The following USP7 variants were observed in gnomAD, a reference collection of about 807,000 sequenced individuals.
USP7 encodes ubiquitin C-terminal hydrolase 7.
USP7 carries 9 observed loss-of-function variants against 162.9 expected under a neutral mutation model. That is an observed-to-expected ratio of 0.06 (90% CI 0.03 to 0.10). The LOEUF is 0.10. USP7 is among the 10% of genes least tolerant of loss of function. USP7 has a pLI of 1.00. For missense variants in USP7, 715 were observed against 1,373.7 expected, an observed-to-expected ratio of 0.52 and a Z score of 7.58; for synonymous variants, 562 against 475.9, an observed-to-expected ratio of 1.18 and a Z score of -2.35.
chr16:8,900,195 C>G (rs2141169906), intron 21 of USP7: 1 of 323,826 alleles, frequency 3.1e-6, no homozygotes, highest in South Asian at 4.2e-5. Flanking sequence ...TACATGAAGA[C>G]AGACTGAAAT....
At chr16:8,930,541 A>T in intron 1 of USP7, 144 bp from the exon 2 acceptor site, 1 of 594,600 alleles carries the variant, frequency 1.7e-6, no homozygotes, top group Non-Finnish European at 2.8e-6. Context: ...TAATCCAAAA[A>T]ATATTTATAC....
intron 1 of USP7, among the ~76,000 whole-genome samples, chr16:8,952,457 G>A (rs1054089807): frequency 3.3e-5 from 5 of 152,154 alleles, no homozygotes; most frequent in African/African-American, 9.7e-5. Context: ...GGTGCCAGCA[G>A]GGCCACATTC....
At chr16:8,905,084 T>C (rs2061839064) in intron 14 of USP7, 103 bp downstream of exon 14, 2 of 1,424,014 alleles carry the variant, frequency 1.4e-6, no homozygotes, top group South Asian at 1.2e-5. Flanking sequence ...TACAATGGAA[T>C]AAGCATAAAA....
intron 1 of USP7, among the ~76,000 whole-genome samples, chr16:8,933,364 T>C (rs1167375276): frequency 7.2e-5 from 11 of 152,178 alleles, no homozygotes; most frequent in South Asian, 2.1e-4. Context: ...ATGGGCAATA[T>C]AGTGAGATTC....
At position 8,894,532 on chromosome 16, in the gene USP7, G is replaced by GA. The variant is rs752317217; in HGVS notation, c.3202+17_3202+18insT. 40 of 1,606,858 alleles carry GA rather than the reference G, an allele frequency of 2.5e-5. No individual in the cohort carries two copies. Among genetic ancestry groups the GA allele is most frequent in the Middle Eastern group, 2.2e-4 (1 of 4,496 alleles). On this transcript the variant is annotated intron_variant, in intron 30 of 30. Transcript: ENST00000344836. ...GTCTGAAACCCACACCAGCCCCCGGGGGGGGGAGAACCCTTACCGGGCTGT... is the reference window on the plus strand; with the variant it reads ...GTCTGAAACCCACACCAGCCCCCGGGAGGGGGGAGAACCCTTACCGGGCTGT...
In USP7 at chr16:8,923,179, T is replaced by C. The variant is rs778316489; in HGVS notation, c.383+36A>G. On this transcript the variant is annotated intron_variant, in intron 3 of 30. Transcript: ENST00000344836. ...TTAAGATAAAATTGCACTAGGCTGA[T>C]CAAATTTGGCTTCCAGTAATGAAAT... The C allele has an allele frequency of 2.5e-6, 4 of 1,611,668 alleles. No homozygotes were observed. In the Admixed American group the frequency reaches 6.7e-5, roughly 27 times the overall value.
chr16:8,959,917 T>C (rs1899945209), intron 1 of USP7, among the ~76,000 whole-genome samples: 1 of 152,146 alleles, frequency 6.6e-6, no homozygotes, highest in Non-Finnish European at 1.5e-5. Context: ...GTCTAACATC[T>C]ATCCCATTCG....
chr16:8,961,563 G>A (rs767803740), intron 1 of USP7, among the ~76,000 whole-genome samples: 6 of 148,094 alleles, frequency 4.1e-5, no homozygotes, highest in Non-Finnish European at 5.9e-5. Flanking sequence ...CAAAGATACA[G>A]GTCTGTAACA....
Position 8,935,069 on chromosome 16 carries a change from T to C in USP7, c.80-4672A>G, listed in dbSNP as rs115456196. Among the ~76,000 whole-genome samples, 897 of 152,314 alleles carry C rather than the reference T, an allele frequency of 5.9e-3. 11 individuals carry two copies. Among genetic ancestry groups the C allele is most frequent in the African/African-American group, 0.02 (849 of 41,564 alleles). On this transcript the variant is annotated intron_variant, in intron 1 of 30. Coordinates refer to ENST00000344836, the MANE Select transcript of USP7 (RefSeq NM_003470.3). ...GCCTTCTTTTATTGTTCAAGACAGATGTACAACATTGGCATGCACATACAT... is the reference window on the plus strand; with the variant it reads ...GCCTTCTTTTATTGTTCAAGACAGACGTACAACATTGGCATGCACATACAT...
chr16:8,922,928 C>A (rs1417171036), intron 3 of USP7, among the ~76,000 whole-genome samples: 2 of 152,214 alleles, frequency 1.3e-5, no homozygotes, highest in Non-Finnish European at 2.9e-5. Flanking sequence ...CAGACAGTTA[C>A]TGACAGAGTA....
At chr16:8,915,887 C>T (rs1182083811) in intron 8 of USP7, among the ~76,000 whole-genome samples, 3 of 152,218 alleles carry the variant, frequency 2.0e-5, no homozygotes, top group East Asian at 3.8e-4. Flanking sequence ...AGCCTGTCAA[C>T]AGGATTGACT....
chr16:8,962,887 C>T, intron 1 of USP7: 1 of 159,458 alleles, frequency 6.3e-6, no homozygotes, highest in Non-Finnish European at 1.4e-5. Context: ...GTCCGCCTCC[C>T]AACCTGGGTG....
Position 8,893,173 on chromosome 16 carries a change from T to C in USP7, c.*825A>G, listed in dbSNP as rs1266183395. ...AAGTCGACAGCTTACTAACCACTAG[T>C]GAGCATGCCCTCTTGCTAAAAGGCT... On this transcript the variant is annotated 3_prime_UTR_variant, in exon 31 of 31. Coordinates refer to ENST00000344836, the MANE Select transcript of USP7 (RefSeq NM_003470.3). 2 of 152,276 alleles carry C rather than the reference T, an allele frequency of 1.3e-5. No individual in the cohort carries two copies. Among genetic ancestry groups the C allele is most frequent in the African/African-American group, 2.4e-5 (1 of 41,472 alleles). 9.4% of individuals were successfully genotyped at this position (152,276 alleles called of 1,614,324 possible). A position where few individuals can be genotyped will look rare whatever the true frequency, so the allele number is the denominator to read the frequency against.
intron 1 of USP7, among the ~76,000 whole-genome samples, chr16:8,940,972 A>G (rs1339277066): frequency 6.6e-6 from 1 of 152,164 alleles, no homozygotes; most frequent in Non-Finnish European, 1.5e-5. Flanking sequence ...AGCAGGACAG[A>G]ATTCTCTCTC....
At chr16:8,906,978 C>T (rs1305200827) in intron 12 of USP7, among the ~76,000 whole-genome samples, 1 of 152,226 alleles carries the variant, frequency 6.6e-6, no homozygotes, top group Admixed American at 6.5e-5. Context: ...TTAGTTTTAA[C>T]TGGCTCTACA....
Position 8,925,642 on chromosome 16 carries a change from C to T in USP7, c.185-2229G>A, listed in dbSNP as rs142330340. On this transcript the variant is annotated intron_variant, in intron 2 of 30. Coordinates refer to ENST00000344836, the MANE Select transcript of USP7 (RefSeq NM_003470.3). ...TGCTGCCCAGCCCCGCAGAGGCCAC[C>T]GCGCATCCGTCTCTGTGCCCCCGAG... 1.5e-3 allele frequency among the ~76,000 whole-genome samples: 231 copies of T among 152,268 alleles called. 1 individual carries two copies. The highest frequency in any genetic ancestry group is 4.8e-3 in the Admixed American group (73 of 15,296).
intron 13 of USP7, 47 bp from the exon 14 acceptor site, chr16:8,905,378 A>G: frequency 6.2e-7 from 1 of 1,602,192 alleles, no homozygotes; most frequent in Non-Finnish European, 8.5e-7. Flanking sequence ...CACTGTGACA[A>G]GTACCCAACA....
Position 8,910,729 on chromosome 16 carries a change from A to G in USP7, c.1161+16T>C. On this transcript the variant is annotated intron_variant, in intron 11 of 30. Transcript: ENST00000344836. Reference sequence around the variant, plus strand: ...GAACGCTACAACAGGACACTAGCACAAAACACTCAATTTACCTGTAAGCCA... The same window carrying G: ...GAACGCTACAACAGGACACTAGCACGAAACACTCAATTTACCTGTAAGCCA... 2 of 1,612,844 alleles carry G rather than the reference A, an allele frequency of 1.2e-6. No homozygotes were observed. The highest frequency in any genetic ancestry group is 2.2e-5 in the East Asian group (1 of 44,882).
intron 4 of USP7, among the ~76,000 whole-genome samples, chr16:8,920,816 A>C (rs1897647481): frequency 6.6e-6 from 1 of 152,222 alleles, no homozygotes; most frequent in Non-Finnish European, 1.5e-5. Context: ...CTCTGCAAAA[A>C]GCAGCCAAAG....
Sources: gnomAD v4.1 joint callset for allele counts (sites outside exome capture counted in the v4.1 genomes callset) on GRCh38, gnomAD v4.1.1 for gene constraint, MANE v1.5 for transcripts, NCBI Gene and HGNC (gene_info 2026-07-23, HGNC 2026-07-21) for gene names.